The following CNTNAP2 variants were observed in gnomAD, a reference collection of about 807,000 sequenced individuals.
The protein encoded by CNTNAP2 is contactin associated protein 2, also known as contactin-associated protein-like 2.
In CNTNAP2, 98 loss-of-function variants were observed where a neutral mutation model predicts 155.2. That is an observed-to-expected ratio of 0.63 (90% CI 0.54 to 0.75). The LOEUF (loss-of-function observed/expected upper bound fraction) is 0.75. Ranked by LOEUF, CNTNAP2 falls within the 30% of genes least tolerant of loss-of-function variation. CNTNAP2 has a pLI of 0.00. For missense variants in CNTNAP2, 1,727 were observed against 1,688.1 expected, an observed-to-expected ratio of 1.02 and a Z score of -0.40; for synonymous variants, 651 against 631.2, an observed-to-expected ratio of 1.03 and a Z score of -0.47.
At chr7:147,988,081 C>G (rs1246180939) in intron 15 of CNTNAP2, among the ~76,000 whole-genome samples, 1 of 152,080 alleles carries the variant, frequency 6.6e-6, no homozygotes, top group East Asian at 1.9e-4. Flanking sequence ...CGGGACAACT[C>G]AAAGCGGAGG....
At chr7:147,862,978 C>T (rs893100347) in intron 13 of CNTNAP2, among the ~76,000 whole-genome samples, 4 of 151,934 alleles carry the variant, frequency 2.6e-5, no homozygotes, top group East Asian at 1.9e-4. Context: ...ATGTTCACAA[C>T]GTGCAGGTTT....
At chr7:147,194,126 G>A (rs765904385) in intron 8 of CNTNAP2, among the ~76,000 whole-genome samples, 59 of 144,968 alleles carry the variant, frequency 4.1e-4, no homozygotes, top group Non-Finnish European at 5.1e-4. Flanking sequence ...GTTCCCCTCC[G>A]TGTGTCCATG....
At chr7:147,085,934 G>C (rs1196783783) in intron 4 of CNTNAP2, 1 of 152,188 alleles carries the variant, frequency 6.6e-6, no homozygotes, top group East Asian at 1.9e-4. Flanking sequence ...CGAAAGCTCT[G>C]TAAGTCAAAG....
Position 146,163,581 on chromosome 7 carries a change from CTATCTA to C in CNTNAP2, c.97+46612_97+46617del, listed in dbSNP as rs138842286. On this transcript the variant is annotated intron_variant, in intron 1 of 23. Coordinates refer to ENST00000361727, the MANE Select transcript of CNTNAP2 (RefSeq NM_014141.6). ...TCTATATCTATCTATATCTATCTAT[CTATCTA>C]TATATATATATATATCAGGGCGTGG... 2.7e-3 allele frequency among the ~76,000 whole-genome samples: 233 copies of C among 84,912 alleles called. 1 individual carries two copies. The highest frequency in any genetic ancestry group is 4.0e-3 in the Non-Finnish European group (153 of 38,562). The allele number at this position is 84,912 out of a possible 152,430, so 55.7% of individuals were successfully genotyped here.
At chr7:146,264,597 A>T (rs1274533010) in intron 1 of CNTNAP2, among the ~76,000 whole-genome samples, 1 of 152,222 alleles carries the variant, frequency 6.6e-6, no homozygotes, top group Non-Finnish European at 1.5e-5. Context: ...CCAAACGTTG[A>T]CAATGAAAAC....
intron 3 of CNTNAP2, among the ~76,000 whole-genome samples, chr7:146,899,692 G>A (rs1035425288): frequency 6.6e-6 from 1 of 152,160 alleles, no homozygotes; most frequent in African/African-American, 2.4e-5. Flanking sequence ...CAAGGGATAG[G>A]ACAGGTCCTC....
intron 20 of CNTNAP2, among the ~76,000 whole-genome samples, chr7:148,246,672 A>G (rs1796268143): frequency 1.3e-5 from 2 of 152,258 alleles, no homozygotes; most frequent in African/African-American, 2.4e-5. Context: ...CTGATTAGAC[A>G]TACTGCATTT....
intron 1 of CNTNAP2, among the ~76,000 whole-genome samples, chr7:146,767,966 G>T (rs34502131): frequency 6.6e-6 from 1 of 151,898 alleles, no homozygotes; most frequent in Admixed American, 6.6e-5. Flanking sequence ...TCACCAAAAA[G>T]TATTAATTAT....
chr7:146,947,384 TTCTCTCTCTC>T (rs66835656), intron 3 of CNTNAP2, among the ~76,000 whole-genome samples: 5 of 128,400 alleles, frequency 3.9e-5, no homozygotes, highest in Non-Finnish European at 4.8e-5. Context: ...CCTTCTCTCT[TTCTCTCTCTC>T]TCTCTCTCTC....
chr7:146,134,121 G>T (rs933270233), intron 1 of CNTNAP2, among the ~76,000 whole-genome samples: 32 of 150,914 alleles, frequency 2.1e-4, no homozygotes, highest in African/African-American at 7.5e-4. Context: ...CCTTGAAGAG[G>T]TCCTTCACAT....
intron 9 of CNTNAP2, among the ~76,000 whole-genome samples, chr7:147,302,614 A>C (rs1458522295): frequency 1.3e-5 from 2 of 152,252 alleles, no homozygotes; most frequent in African/African-American, 4.8e-5. Flanking sequence ...TGGAACTTTG[A>C]AATTCAAGAG....
chr7:148,078,626 G>A (rs1803541321), intron 15 of CNTNAP2, among the ~76,000 whole-genome samples: 1 of 151,992 alleles, frequency 6.6e-6, no homozygotes, highest in Non-Finnish European at 1.5e-5. Context: ...GATTACAGGT[G>A]CCCACCACCA....
chr7:146,775,313 G>A (rs1028383594), intron 2 of CNTNAP2, among the ~76,000 whole-genome samples: 5 of 151,986 alleles, frequency 3.3e-5, no homozygotes, highest in African/African-American at 9.7e-5. Context: ...CTTTTAAGTG[G>A]CCTCACCATT....
chr7:148,175,336 G>A (rs1031984274), intron 18 of CNTNAP2, among the ~76,000 whole-genome samples: 4 of 152,068 alleles, frequency 2.6e-5, no homozygotes, highest in African/African-American at 9.7e-5. Flanking sequence ...AGGAAGCCAA[G>A]TTCTTACCCC....
chr7:146,860,284 G>A (rs1795072902), intron 3 of CNTNAP2, among the ~76,000 whole-genome samples: 1 of 152,168 alleles, frequency 6.6e-6, no homozygotes, highest in Non-Finnish European at 1.5e-5. Context: ...AACTAAGGCA[G>A]TGGTAGACAA....
At chr7:147,628,467 G>A (rs766354617) in intron 12 of CNTNAP2, among the ~76,000 whole-genome samples, 1 of 152,068 alleles carries the variant, frequency 6.6e-6, no homozygotes, top group Non-Finnish European at 1.5e-5. Flanking sequence ...AGCGCTATAA[G>A]AAATGCTAAA....
chr7:147,244,146 C>T (rs750318706), intron 8 of CNTNAP2, among the ~76,000 whole-genome samples: 4 of 152,134 alleles, frequency 2.6e-5, no homozygotes, highest in Non-Finnish European at 5.9e-5. Flanking sequence ...CATTCTTGCT[C>T]TTTGTACATT....
intron 1 of CNTNAP2, among the ~76,000 whole-genome samples, chr7:146,743,366 C>G (rs896302515): frequency 1.3e-5 from 2 of 152,016 alleles, no homozygotes; most frequent in African/African-American, 4.8e-5. Context: ...GCCTTTTTTC[C>G]TGAGGTTGAC....
At chr7:147,531,973 A>C (rs538662839) in intron 11 of CNTNAP2, among the ~76,000 whole-genome samples, 1 of 151,378 alleles carries the variant, frequency 6.6e-6, no homozygotes, top group African/African-American at 2.4e-5. Flanking sequence ...TGTCCGACTA[A>C]TTTTTTTGTA....
Sources: allele counts gnomAD v4.1 joint callset (sites outside exome capture counted in the v4.1 genomes callset), GRCh38; gene constraint gnomAD v4.1.1; transcripts MANE v1.5; gene names NCBI Gene and HGNC (gene_info 2026-07-23, HGNC 2026-07-21).